COL4A3: variants seen among roughly 807,000 people sequenced by gnomAD.
The protein encoded by COL4A3 is collagen alpha-3(IV) chain.
A neutral mutation model predicts 217.4 loss-of-function variants in COL4A3; 135 were observed. The observed-to-expected ratio is 0.62, with a 90% CI of 0.54 to 0.72. COL4A3 has a LOEUF of 0.72. COL4A3 is among the 30% of genes least tolerant of loss of function. The pLI, the probability that COL4A3 is intolerant of heterozygous loss-of-function variation, is 0.00. For synonymous variants in COL4A3, 690 were observed against 736.3 expected (o/e 0.94, Z 1.02); for missense variants, 1,868 against 2,119.9 (o/e 0.88, Z 2.33).
At chr2:227,196,140 T>A (rs999991068) in intron 1 of COL4A3, among the ~76,000 whole-genome samples, 5 of 151,976 alleles carry the variant, frequency 3.3e-5, no homozygotes, top group African/African-American at 1.2e-4. Context: ...GGGAGAAAAT[T>A]AGTTTTTATA....
rs1251654567 is a variant in COL4A3 at position 227,164,866 on chromosome 2, C to G, written c.87+53C>G. The G allele has an allele frequency of 2.8e-6, 4 of 1,434,398 alleles. No individual in the cohort carries two copies. The highest frequency in any genetic ancestry group is 5.7e-5 in the East Asian group (2 of 35,378). The allele number at this position is 1,434,398 out of a possible 1,614,324, so 88.9% of individuals were successfully genotyped here. A position where few individuals can be genotyped will look rare whatever the true frequency, so the allele number is the denominator to read the frequency against. On this transcript the variant is annotated intron_variant, in intron 1 of 51. Coordinates refer to ENST00000396578, the MANE Select transcript of COL4A3 (RefSeq NM_000091.5). The surrounding 1 kb of genome is among the most constrained non-coding windows in gnomAD (Gnocchi z 4.8). ...CCCGCACTTCCATCCCTCCTCCACG[C>G]GTCCGGGGGACGCGCTGGCCCCACC...
At chr2:227,227,902 G>T (rs569840897) in intron 1 of COL4A3, 1 of 140,060 alleles carries the variant, frequency 7.1e-6, no homozygotes, top group African/African-American at 2.6e-5. Context: ...CCTTTTAGGG[G>T]GTAAAAAGAA....
At chr2:227,307,584 C>A in intron 47 of COL4A3, 126 bp from the exon 48 acceptor site, 1 of 802,806 alleles carries the variant, frequency 1.2e-6, no homozygotes, top group Non-Finnish European at 2.1e-6. Flanking sequence ...TTATAAGCCA[C>A]TCTTCTCTAG....
chr2:227,188,401 C>T (rs988914544), intron 1 of COL4A3, among the ~76,000 whole-genome samples: 5 of 151,816 alleles, frequency 3.3e-5, no homozygotes, highest in East Asian at 1.9e-4. Context: ...TAAAGCTCAG[C>T]GAGCCATTGT....
At chr2:227,190,062 G>A (rs1237354935) in intron 1 of COL4A3, among the ~76,000 whole-genome samples, 1 of 151,954 alleles carries the variant, frequency 6.6e-6, no homozygotes, top group Non-Finnish European at 1.5e-5. Context: ...AAGGAAGAAT[G>A]TCAGGTGGAA....
chr2:227,172,590 T>TC (rs1337167513), intron 1 of COL4A3, among the ~76,000 whole-genome samples: 6 of 141,256 alleles, frequency 4.2e-5, no homozygotes, highest in African/African-American at 1.6e-4. Flanking sequence ...TCTTTTTTTT[T>TC]TTTTTTTTTT....
chr2:227,313,885 A>T lies in COL4A3; in HGVS notation c.*2015A>T, dbSNP rs1004965736. 6 of 152,210 alleles carry T rather than the reference A, an allele frequency of 3.9e-5. No individual in the cohort carries two copies. The highest frequency in any genetic ancestry group is 8.8e-5 in the Non-Finnish European group (6 of 68,048). The allele number at this position is 152,210 out of a possible 1,614,324, so 9.4% of individuals were successfully genotyped here. A position where few individuals can be genotyped will look rare whatever the true frequency, so the allele number is the denominator to read the frequency against. On this transcript the variant is annotated 3_prime_UTR_variant, in exon 52 of 52. Coordinates refer to ENST00000396578, the MANE Select transcript of COL4A3 (RefSeq NM_000091.5). ...AAGAGCAGTATCAGCATCATCTGGG[A>T]ACTTGTCACAGATGCAGATTCTAGG...
At position 227,290,042 on chromosome 2, in the gene COL4A3, AG is replaced by A. The variant is rs755109848; in HGVS notation, c.3026del (p.Gly1009AspfsTer145). The A allele has an allele frequency of 6.2e-7, 1 of 1,614,210 alleles. No homozygotes were observed. Among genetic ancestry groups the A allele is most frequent in the Non-Finnish European group, 8.5e-7 (1 of 1,180,018 alleles). On this transcript the variant is annotated frameshift_variant, in exon 36 of 52. Transcript: ENST00000396578. LOFTEE classifies it high-confidence loss of function. ...LGSTGNPGEP[G>X]LRGIPGSMGN... ...GCAGCACTGGGAATCCTGGAGAACC[AG>A]GACTGCGTGGTATACCAGGAAGCAT...
intron 1 of COL4A3, among the ~76,000 whole-genome samples, chr2:227,177,456 A>G (rs1019320081): frequency 6.6e-6 from 1 of 152,004 alleles, no homozygotes; most frequent in South Asian, 2.1e-4. Context: ...CACCTGGCCT[A>G]TTTTTCTAAA....
At chr2:227,270,625 T>A in intron 24 of COL4A3, 145 bp from the exon 25 acceptor site, 1 of 765,012 alleles carries the variant, frequency 1.3e-6, no homozygotes, top group Non-Finnish European at 2.1e-6. Context: ...ACAAACAAAA[T>A]GCTTGTAATA....
chr2:227,166,486 T>G (rs950330205), intron 1 of COL4A3, among the ~76,000 whole-genome samples: 2 of 152,242 alleles, frequency 1.3e-5, no homozygotes, highest in African/African-American at 4.8e-5. Context: ...AGAATTGTAC[T>G]TATGTGAGGA....
At chr2:227,304,202 G>A in intron 46 of COL4A3, 58 bp downstream of exon 46, 1 of 1,606,104 alleles carries the variant, frequency 6.2e-7, no homozygotes, top group Admixed American at 1.7e-5. Flanking sequence ...CAAAATACCT[G>A]TAAACTGCTT....
At chr2:227,219,086 C>T (rs971867274) in intron 1 of COL4A3, among the ~76,000 whole-genome samples, 3 of 152,118 alleles carry the variant, frequency 2.0e-5, no homozygotes, top group Non-Finnish European at 4.4e-5. Context: ...CCTCCACCTC[C>T]AAGGTTCAAG....
At chr2:227,310,754 C>G in intron 50 of COL4A3, 22 bp from the exon 51 acceptor site, 1 of 1,611,006 alleles carries the variant, frequency 6.2e-7, no homozygotes, top group Non-Finnish European at 8.5e-7. Context: ...AGTGTTTATT[C>G]AGATTTTTAA....
rs1263696065 is a variant in COL4A3, at chr2:227,239,889, T to C, written c.145-254T>C. 6.6e-5 allele frequency among the ~76,000 whole-genome samples: 10 copies of C among 152,266 alleles called. No individual in the cohort carries two copies. In the East Asian group the frequency reaches 1.7e-3, roughly 26 times the overall value. On this transcript the variant is annotated intron_variant, in intron 2 of 51. Coordinates refer to ENST00000396578, the MANE Select transcript of COL4A3 (RefSeq NM_000091.5). ...GCTCTGCTCTACATAGCCCTACCAT[T>C]TGGGAGAAAGTCAAGTTTCTACAAG...
chr2:227,285,277 TAAAAA>T (rs764697409), intron 34 of COL4A3, among the ~76,000 whole-genome samples: 1 of 72,374 alleles, frequency 1.4e-5, no homozygotes, highest in Admixed American at 2.1e-4. Flanking sequence ...CTGCCAAACC[TAAAAA>T]AAAAAAAAAA....
At chr2:227,249,699 C>A (rs2069617191) in intron 9 of COL4A3, among the ~76,000 whole-genome samples, 1 of 152,038 alleles carries the variant, frequency 6.6e-6, no homozygotes, top group Admixed American at 6.6e-5. Flanking sequence ...GCAAAAAATG[C>A]AGAATGATGC....
chr2:227,200,514 G>T (rs975405892), intron 1 of COL4A3, among the ~76,000 whole-genome samples: 1 of 152,204 alleles, frequency 6.6e-6, no homozygotes, highest in Admixed American at 6.5e-5. Context: ...AATGCATATA[G>T]ATGTAATAGT....
At chr2:227,241,683 TAC>T (rs1491087942) in intron 3 of COL4A3, among the ~76,000 whole-genome samples, 1 of 53,280 alleles carries the variant, frequency 1.9e-5, no homozygotes, top group Non-Finnish European at 5.2e-5. Flanking sequence ...AAAAAATATA[TAC>T]GTGTGTGTAT....
Sources: allele counts gnomAD v4.1 joint callset (sites outside exome capture counted in the v4.1 genomes callset), GRCh38; gene constraint gnomAD v4.1.1; non-coding constraint Gnocchi (gnomAD v3.1); transcripts MANE v1.5; gene names NCBI Gene and HGNC (gene_info 2026-07-23, HGNC 2026-07-21).